Variants in CEP192 observed in about 807,000 individuals in gnomAD.
The protein encoded by CEP192 is centrosomal protein 192, also known as centrosomal protein of 192 kDa.
A neutral mutation model predicts 271.8 loss-of-function variants in CEP192; 151 were observed. The observed-to-expected ratio is 0.56, with a 90% confidence interval of 0.49 to 0.64. CEP192 has a LOEUF of 0.64. Ranked by LOEUF, CEP192 falls within the 30% of genes least tolerant of loss-of-function variation. The pLI is 0.00. For synonymous variants in CEP192, 995 were observed against 1,076.5 expected (o/e 0.92, Z 1.48); for missense variants, 2,910 against 3,020.5 (o/e 0.96, Z 0.86).
At chr18:13,002,974 CCA>C (rs937345907) in intron 3 of CEP192, among the ~76,000 whole-genome samples, 2 of 152,064 alleles carry the variant, frequency 1.3e-5, no homozygotes, top group African/African-American at 4.8e-5. Flanking sequence ...CTACTGTGTG[CCA>C]CACACTTTTC....
intron 15 of CEP192, among the ~76,000 whole-genome samples, chr18:13,045,663 G>C (rs1394998022): frequency 6.6e-6 from 1 of 152,164 alleles, no homozygotes; most frequent in East Asian, 1.9e-4. Context: ...ATCAACATTT[G>C]CTTTAAACAT....
chr18:13,103,410 G>GT (rs1210334202), intron 38 of CEP192, 99 bp from the exon 39 acceptor site: 1 of 870,276 alleles, frequency 1.1e-6, no homozygotes. Flanking sequence ...AATGATTGGG[G>GT]TTTTTTAACC....
At chr18:13,025,124 AT>A (rs2035220030) in intron 9 of CEP192, among the ~76,000 whole-genome samples, 1 of 152,102 alleles carries the variant, frequency 6.6e-6, no homozygotes, top group Non-Finnish European at 1.5e-5. Context: ...ATATAGTTGG[AT>A]TAATGTCTGC....
chr18:13,117,201 G>C (rs972276102), intron 43 of CEP192, among the ~76,000 whole-genome samples: 2 of 152,118 alleles, frequency 1.3e-5, no homozygotes, highest in African/African-American at 4.8e-5. Flanking sequence ...CTTCAGCCAG[G>C]GTGACAGAGC....
Position 12,997,740 on chromosome 18 carries a change from G to C in CEP192, c.-4-1681G>C, listed in dbSNP as rs555707467. 2.6e-5 allele frequency among the ~76,000 whole-genome samples: 4 copies of C among 151,940 alleles called. No individual in the cohort carries two copies. In the East Asian group the frequency reaches 5.8e-4, roughly 22 times the overall value. The stretch of plus-strand genomic sequence containing the variant: ...AACAAGTAAGTTCTTCTTATTTTTG[G>C]GGGGGATAGAGTCTCGCTCCATCAC... On this transcript the variant is annotated intron_variant, in intron 1 of 44. Transcript: ENST00000506447.
intron 26 of CEP192, 76 bp from the exon 27 acceptor site, chr18:13,069,662 G>T (rs566062357): frequency 1.3e-6 from 1 of 798,890 alleles, no homozygotes; most frequent in African/African-American, 1.7e-5. Flanking sequence ...AGAAACGCAC[G>T]TAAGGCAGGA....
At chr18:13,093,530 G>C (rs921175396) in intron 34 of CEP192, among the ~76,000 whole-genome samples, 1 of 152,184 alleles carries the variant, frequency 6.6e-6, no homozygotes, top group African/African-American at 2.4e-5. Context: ...CCAGAATTAA[G>C]CTTACTAGTA....
chr18:13,026,962 T>C (rs867193058), intron 9 of CEP192, among the ~76,000 whole-genome samples: 1 of 152,222 alleles, frequency 6.6e-6, no homozygotes, highest in Admixed American at 6.5e-5. Context: ...TCTTGTTAGC[T>C]GGACGTGATG....
chr18:13,081,464 G>C (rs987576219), intron 30 of CEP192, among the ~76,000 whole-genome samples: 3 of 152,168 alleles, frequency 2.0e-5, no homozygotes, highest in Non-Finnish European at 4.4e-5. Context: ...TTGTATTTCT[G>C]TGGGATCGGT....
chr18:13,037,268 A>G lies in CEP192; in HGVS notation c.1566A>G (p.Glu522=), dbSNP rs1435328617. The change falls in exon 12 of 45, where the codon GAA becomes GAG. Residue 522 remains glutamate, a synonymous_variant. Coordinates refer to ENST00000506447, the MANE Select transcript of CEP192 (RefSeq NM_032142.4). ...CATTTGATTTGATTGCACAAGATGAAGAAGAATTTAATAAAGAGCATCAAT... is the reference window on the plus strand; with the variant it reads ...CATTTGATTTGATTGCACAAGATGAGGAAGAATTTAATAAAGAGCATCAAT... ...SEAFDLIAQD[E]EEFNKEHQFI... 5.9e-6 allele frequency: 8 copies of G among 1,366,484 alleles called. No individual in the cohort carries two copies. In the East Asian group the frequency reaches 1.8e-4, roughly 30 times the overall value. 84.6% of individuals were successfully genotyped at this position (1,366,484 alleles called of 1,614,324 possible). A position where few individuals can be genotyped will look rare whatever the true frequency, so the allele number is the denominator to read the frequency against.
intron 11 of CEP192, among the ~76,000 whole-genome samples, chr18:13,032,941 C>T (rs560930453): frequency 3.9e-5 from 6 of 152,342 alleles, no homozygotes; most frequent in African/African-American, 1.4e-4. Context: ...CTCTATAGTT[C>T]TATTTGTATA....
chr18:13,119,688 GAGATCAC>G (rs2040579411), intron 44 of CEP192, among the ~76,000 whole-genome samples: 1 of 152,134 alleles, frequency 6.6e-6, no homozygotes, highest in African/African-American at 2.4e-5. Flanking sequence ...GTAGTGAGCT[GAGATCAC>G]ACCACTGTAC....
At chr18:13,019,576 A>G (rs1397556547) in intron 9 of CEP192, among the ~76,000 whole-genome samples, 1 of 152,120 alleles carries the variant, frequency 6.6e-6, no homozygotes, top group East Asian at 1.9e-4. Context: ...GAAGCTTGGT[A>G]GTCATTTCTG....
At chr18:13,053,457 A>G (rs1330675683) in intron 18 of CEP192, among the ~76,000 whole-genome samples, 6 of 152,156 alleles carry the variant, frequency 3.9e-5, no homozygotes, top group Non-Finnish European at 2.9e-5. Context: ...CAGGACTGCT[A>G]GGAGTTAGGC....
Position 12,999,493 on chromosome 18 carries a change from C to G in CEP192, c.69C>G (p.Asn23Lys). 1.3e-6 allele frequency: 2 copies of G among 1,550,526 alleles called. No homozygotes were observed. Among genetic ancestry groups the G allele is most frequent in the Non-Finnish European group, 1.7e-6 (2 of 1,146,378 alleles). The change falls in exon 2 of 45, where the codon AAC (asparagine) becomes AAG (lysine). Residue 23 changes from asparagine to lysine, a missense_variant. Asn to Lys is a moderately conservative substitution (Grantham distance 94). Transcript: ENST00000506447. ...PSFLTNSLFG[N>K]SGILENVTLS... ...TTCTCACCAATTCATTATTTGGTAA[C>G]AGTGGGATTTTGGAAAATGTCACTC...
chr18:13,042,101 C>T (rs1258696168), intron 14 of CEP192, 103 bp from the exon 15 acceptor site: 1 of 880,048 alleles, frequency 1.1e-6, no homozygotes, highest in South Asian at 1.9e-5. Context: ...GGTACAAAGA[C>T]ATCTTCCTTG....
chr18:13,001,367 G>A, intron 2 of CEP192, 90 bp from the exon 3 acceptor site: 1 of 818,194 alleles, frequency 1.2e-6, no homozygotes, highest in Admixed American at 3.0e-5. Context: ...CCCGGTGGTT[G>A]GTTTTACTGT....
At chr18:13,096,127 T>C in intron 35 of CEP192, 57 bp from the exon 36 acceptor site, 1 of 1,576,116 alleles carries the variant, frequency 6.3e-7, no homozygotes, top group South Asian at 1.1e-5. Context: ...GTTGTTAATA[T>C]TTGTCTTTTT....
chr18:13,042,176 T>C (rs1260963539), intron 14 of CEP192, 28 bp from the exon 15 acceptor site: 3 of 1,594,040 alleles, frequency 1.9e-6, no homozygotes, highest in Admixed American at 1.7e-5. Context: ...TGTATACTTA[T>C]AAGTTGAATA....
Sources: allele counts gnomAD v4.1 joint callset (sites outside exome capture counted in the v4.1 genomes callset), GRCh38; gene constraint gnomAD v4.1.1; transcripts MANE v1.5; gene names NCBI Gene and HGNC (gene_info 2026-07-23, HGNC 2026-07-21).